Variants in CD109 observed in about 807,000 individuals in gnomAD.
CD109 encodes CD109 antigen.
CD109 carries 149 observed loss-of-function variants against 165.8 expected under a neutral mutation model. The observed-to-expected ratio is 0.90, with a 90% CI of 0.79 to 1.03. CD109 has a LOEUF of 1.03. CD109 is among the 50% of genes least tolerant of loss of function. The probability of loss-of-function intolerance (pLI) is 0.00; values close to 1 mark genes in which losing one functional copy is unlikely to be tolerated. For synonymous variants in CD109, 585 were observed against 592.1 expected (o/e 0.99, Z 0.18); for missense variants, 1,712 against 1,677.8 (o/e 1.02, Z -0.36).
At chr6:73,808,738 G>A (rs933493303) in intron 26 of CD109, among the ~76,000 whole-genome samples, 2 of 151,784 alleles carry the variant, frequency 1.3e-5, no homozygotes, top group Non-Finnish European at 2.9e-5. Context: ...AAAGAAATGT[G>A]AATACCAAAA....
At chr6:73,783,169 G>T (rs1466769521) in intron 18 of CD109, among the ~76,000 whole-genome samples, 4 of 152,212 alleles carry the variant, frequency 2.6e-5, no homozygotes, top group African/African-American at 7.2e-5. Context: ...GTCACAGGGA[G>T]AAGGGGCATG....
rs1362465498 is a variant in CD109 at position 73,728,976 on chromosome 6, C to T, written c.277-1368C>T. ...ATTTGGAGTCTCACGAGGTTGCAAT[C>T]AAGATATCAGCTAGGGCTGCAGTCA... On this transcript the variant is annotated intron_variant, in intron 3 of 32. Transcript: ENST00000287097. 3.3e-5 allele frequency among the ~76,000 whole-genome samples: 5 copies of T among 152,326 alleles called. No individual in the cohort carries two copies. The East Asian group carries it at 9.6e-4, about 29-fold the overall frequency.
At chr6:73,727,374 G>T (rs1045078414) in intron 3 of CD109, among the ~76,000 whole-genome samples, 1 of 152,040 alleles carries the variant, frequency 6.6e-6, no homozygotes, top group African/African-American at 2.4e-5. Flanking sequence ...ATCTCTGGGT[G>T]GCTTGCCCTG....
intron 6 of CD109, 83 bp downstream of exon 6, chr6:73,756,765 T>C: frequency 1.0e-6 from 1 of 964,386 alleles, no homozygotes; most frequent in Non-Finnish European, 1.5e-6. Context: ...AGAGATGTAT[T>C]ATTTGAAGTA....
intron 5 of CD109, among the ~76,000 whole-genome samples, chr6:73,755,923 T>C (rs2150213801): frequency 6.6e-6 from 1 of 152,162 alleles, no homozygotes; most frequent in Admixed American, 6.5e-5. Context: ...TTTGTGCCAC[T>C]ATACTCCAGC....
At chr6:73,815,352 A>G (rs1255480063) in intron 30 of CD109, among the ~76,000 whole-genome samples, 1 of 152,234 alleles carries the variant, frequency 6.6e-6, no homozygotes, top group Admixed American at 6.5e-5. Context: ...ACACATTTGA[A>G]TAGAACAGTG....
chr6:73,763,099 C>T (rs1471495584), intron 9 of CD109, among the ~76,000 whole-genome samples: 1 of 152,140 alleles, frequency 6.6e-6, no homozygotes, highest in Non-Finnish European at 1.5e-5. Flanking sequence ...CATGTGATAG[C>T]TCTTCTTAAT....
At chr6:73,701,090 C>T (rs536278457) in intron 2 of CD109, among the ~76,000 whole-genome samples, 5 of 150,128 alleles carry the variant, frequency 3.3e-5, no homozygotes, top group South Asian at 2.1e-4. Flanking sequence ...CGTGAGCCAC[C>T]GTGCCCAGCG....
intron 2 of CD109, among the ~76,000 whole-genome samples, chr6:73,707,316 G>A (rs1771314718): frequency 6.6e-6 from 1 of 152,188 alleles, no homozygotes; most frequent in South Asian, 2.1e-4. Context: ...GGTTATCTAC[G>A]TAGCTACATA....
At chr6:73,795,539 G>T (rs968112220) in intron 23 of CD109, among the ~76,000 whole-genome samples, 1 of 152,148 alleles carries the variant, frequency 6.6e-6, no homozygotes, top group South Asian at 2.1e-4. Context: ...CCCAGAAAGG[G>T]TCTCTACTGA....
intron 17 of CD109, among the ~76,000 whole-genome samples, chr6:73,781,748 TAC>T (rs71845700): frequency 0.091 from 13,196 of 145,302 alleles, 1,176 homozygotes; most frequent in East Asian, 0.31. Flanking sequence ...AGTATTCTGG[TAC>T]ACACACACAC....
chr6:73,722,620 T>C (rs1010565456), intron 2 of CD109, among the ~76,000 whole-genome samples: 3 of 152,234 alleles, frequency 2.0e-5, no homozygotes, highest in African/African-American at 7.2e-5. Context: ...TTTTGCTCCA[T>C]TTTATTTCCC....
chr6:73,763,371 G>A (rs529180780), intron 9 of CD109, among the ~76,000 whole-genome samples: 69 of 152,284 alleles, frequency 4.5e-4, no homozygotes, highest in African/African-American at 1.5e-3. Context: ...CGGTAGAATG[G>A]CAGCAATGGT....
intron 5 of CD109, among the ~76,000 whole-genome samples, chr6:73,748,614 T>C (rs139173647): frequency 1.3e-5 from 2 of 152,364 alleles, no homozygotes; most frequent in East Asian, 3.9e-4. Flanking sequence ...AATGGATGAA[T>C]GAATGCATTT....
intron 24 of CD109, 50 bp downstream of exon 24, chr6:73,803,351 A>G (rs1237729320): frequency 1.4e-6 from 2 of 1,409,044 alleles, no homozygotes; most frequent in Non-Finnish European, 2.0e-6. Flanking sequence ...ATGGGCTTTC[A>G]CTAGGTCACA....
chr6:73,712,861 C>G (rs1286020625), intron 2 of CD109, among the ~76,000 whole-genome samples: 1 of 152,140 alleles, frequency 6.6e-6, no homozygotes, highest in Non-Finnish European at 1.5e-5. Context: ...TCTATAAAAA[C>G]ACTAAGAAGA....
At chr6:73,781,237 A>C in intron 16 of CD109, 22 bp from the exon 17 acceptor site, 1 of 1,597,914 alleles carries the variant, frequency 6.3e-7, no homozygotes, top group East Asian at 2.2e-5. Context: ...TTTTAAAAGA[A>C]AATAAAAATT....
At chr6:73,751,742 A>C (rs1000681027) in intron 5 of CD109, among the ~76,000 whole-genome samples, 1 of 152,144 alleles carries the variant, frequency 6.6e-6, no homozygotes, top group South Asian at 2.1e-4. Context: ...CTAGGCTTGA[A>C]ATGAGGGCCA....
At chr6:73,705,042 G>C (rs918090004) in intron 2 of CD109, among the ~76,000 whole-genome samples, 1 of 152,138 alleles carries the variant, frequency 6.6e-6, no homozygotes, top group Admixed American at 6.6e-5. Context: ...AGACGGGAAG[G>C]GTGTGCCGGA....
Sources: gnomAD v4.1 joint callset for allele counts (sites outside exome capture counted in the v4.1 genomes callset) on GRCh38, gnomAD v4.1.1 for gene constraint, MANE v1.5 for transcripts, NCBI Gene and HGNC (gene_info 2026-07-23, HGNC 2026-07-21) for gene names.